TMEM156: variants seen among roughly 807,000 people sequenced by gnomAD.
TMEM156 encodes the protein transmembrane protein 156.
Under a neutral mutation model 30.5 loss-of-function variants are expected in TMEM156, and 28 were observed. That is an observed-to-expected ratio of 0.92 (90% CI 0.68 to 1.26). TMEM156 has a LOEUF of 1.26. Among genes scored for constraint, TMEM156 ranks in the 50% most tolerant of loss-of-function variants. The pLI, the probability that TMEM156 is intolerant of heterozygous loss-of-function variation, is 0.00. For synonymous variants in TMEM156, 137 were observed against 119.9 expected (o/e 1.14, Z -0.93); for missense variants, 351 against 340.6 (o/e 1.03, Z -0.24).
intron 5 of TMEM156, among the ~76,000 whole-genome samples, chr4:38,975,575 G>A (rs1401547118): frequency 6.6e-6 from 1 of 151,856 alleles, no homozygotes; most frequent in Non-Finnish European, 1.5e-5. Flanking sequence ...TAGAGATGGG[G>A]TTTCATCATG....
chr4:38,979,303 C>G (rs1723062309), intron 5 of TMEM156, among the ~76,000 whole-genome samples: 1 of 152,200 alleles, frequency 6.6e-6, no homozygotes, highest in Non-Finnish European at 1.5e-5. Flanking sequence ...CCTGGCCTTG[C>G]CCCACACGTT....
At chr4:39,024,039 A>C (rs555954415) in intron 1 of TMEM156, among the ~76,000 whole-genome samples, 22 of 151,998 alleles carry the variant, frequency 1.4e-4, no homozygotes, top group Non-Finnish European at 2.4e-4. Flanking sequence ...TTGTTTATTT[A>C]TTTGTTTGTT....
intron 5 of TMEM156, among the ~76,000 whole-genome samples, chr4:38,977,352 A>G (rs1577508639): frequency 6.6e-6 from 1 of 152,220 alleles, no homozygotes; most frequent in African/African-American, 2.4e-5. Context: ...CATAAAATAT[A>G]ACTGTAATTT....
chr4:39,000,031 G>A (rs1281319099), intron 1 of TMEM156, among the ~76,000 whole-genome samples: 1 of 152,086 alleles, frequency 6.6e-6, no homozygotes, highest in African/African-American at 2.4e-5. Context: ...TTTTACTTTT[G>A]TCTGAAGACA....
intron 1 of TMEM156, among the ~76,000 whole-genome samples, chr4:39,021,521 G>T (rs769240470): frequency 1.3e-5 from 2 of 152,084 alleles, no homozygotes; most frequent in Non-Finnish European, 2.9e-5. Flanking sequence ...CTGTTGCATT[G>T]TCTGAATTCC....
chr4:38,988,884 G>A lies in TMEM156; in HGVS notation c.706C>T (p.Leu236Phe). 6.2e-7 allele frequency: 1 copy of A among 1,614,034 alleles called. No homozygotes were observed. Among genetic ancestry groups the A allele is most frequent in the Non-Finnish European group, 8.5e-7 (1 of 1,179,972 alleles). Residue 236 changes from leucine to phenylalanine, a missense_variant, in exon 4 of 7, where the codon CTT becomes TTT. By Grantham distance (22) the Leu-to-Phe change is conservative (BLOSUM62 0). Transcript: ENST00000381938. Reference protein sequence around the residue: ...FLIILTIRKILEGQRRVQKWQ... With the variant: ...FLIILTIRKIFEGQRRVQKWQ... ...TTTTGCACTCTTCTCTGGCCTTCAA[G>A]TATTTTGCGGATAGTGAGGATGATC...
At chr4:38,974,472 A>C (rs1317852190) in intron 5 of TMEM156, among the ~76,000 whole-genome samples, 1 of 152,104 alleles carries the variant, frequency 6.6e-6, no homozygotes, top group Non-Finnish European at 1.5e-5. Context: ...AACAGTTTAA[A>C]TACATTGGAA....
At chr4:39,019,033 C>CAAAAAAAAAAAA (rs869141514) in intron 1 of TMEM156, among the ~76,000 whole-genome samples, 2 of 19,372 alleles carry the variant, frequency 1.0e-4, no homozygotes, top group African/African-American at 5.1e-4. Flanking sequence ...AAAAACAAAA[C>CAAAAAAAAAAAA]AAAAAAAAAA....
intron 1 of TMEM156, among the ~76,000 whole-genome samples, chr4:39,006,834 T>C (rs1223110213): frequency 1.3e-5 from 2 of 152,044 alleles, no homozygotes; most frequent in Non-Finnish European, 2.9e-5. Flanking sequence ...TCCCAGCTAC[T>C]ACAGAGGGTG....
chr4:38,988,618 T>C (rs966246987), intron 4 of TMEM156, among the ~76,000 whole-genome samples: 3 of 149,766 alleles, frequency 2.0e-5, no homozygotes, highest in African/African-American at 7.3e-5. Context: ...GCTCATCAGC[T>C]TCTTCCTATT....
intron 1 of TMEM156, among the ~76,000 whole-genome samples, chr4:39,003,577 G>A (rs146714322): frequency 5.8e-4 from 88 of 151,888 alleles, no homozygotes; most frequent in Non-Finnish European, 8.8e-4. Context: ...CAGGTGATCC[G>A]CCCACCTCGG....
chr4:39,023,533 A>G (rs373321252), intron 1 of TMEM156, among the ~76,000 whole-genome samples: 1 of 152,184 alleles, frequency 6.6e-6, no homozygotes, highest in Non-Finnish European at 1.5e-5. Flanking sequence ...TGAATCTCAA[A>G]AACATGCTAA....
chr4:38,991,572 A>C (rs1054636029), intron 3 of TMEM156, among the ~76,000 whole-genome samples: 2 of 152,170 alleles, frequency 1.3e-5, no homozygotes, highest in Non-Finnish European at 2.9e-5. Context: ...TTCGCAGAAT[A>C]CAAGAGTACA....
At chr4:39,001,384 C>T (rs2109987921) in intron 1 of TMEM156, among the ~76,000 whole-genome samples, 1 of 142,398 alleles carries the variant, frequency 7.0e-6, no homozygotes, top group African/African-American at 2.6e-5. Flanking sequence ...GAGACTCCAT[C>T]TAAAAAAAAA....
chr4:38,999,409 T>A (rs1205743588), intron 1 of TMEM156, among the ~76,000 whole-genome samples: 1 of 152,222 alleles, frequency 6.6e-6, no homozygotes, highest in Non-Finnish European at 1.5e-5. Flanking sequence ...GCTTGGAATC[T>A]CAGCATTTTA....
intron 2 of TMEM156, among the ~76,000 whole-genome samples, chr4:38,995,462 A>G (rs1446071611): frequency 6.6e-6 from 1 of 152,170 alleles, no homozygotes; most frequent in East Asian, 1.9e-4. Flanking sequence ...CACGCCTGTA[A>G]TCCCAGCACT....
intron 1 of TMEM156, among the ~76,000 whole-genome samples, chr4:39,024,913 ATTAG>A (rs976554381): frequency 1.2e-4 from 19 of 152,250 alleles, no homozygotes; most frequent in African/African-American, 4.6e-4. Context: ...CTTTCACATT[ATTAG>A]TTATTCTATA....
rs1351942190 is a variant in TMEM156 at position 38,998,646 on chromosome 4, A to T, written c.352T>A (p.Ser118Thr). 2 of 1,609,310 alleles carry T rather than the reference A, an allele frequency of 1.2e-6. No individual in the cohort carries two copies. Among genetic ancestry groups the T allele is most frequent in the East Asian group, 4.5e-5 (2 of 44,646 alleles). Residue 118 changes from serine (S) to threonine (T), a missense_variant, in exon 2 of 7, where the codon TCA (serine) becomes ACA (threonine). By Grantham distance (58) the Ser-to-Thr change is moderately conservative (BLOSUM62 1). Coordinates refer to ENST00000381938, the MANE Select transcript of TMEM156 (RefSeq NM_024943.3). Reference sequence around the variant, plus strand: ...ACCTTCACTTTGTGTTTACCTTTTGATGTTTGTTCCTGAGAAATAAAATCC... The same window carrying T: ...ACCTTCACTTTGTGTTTACCTTTTGTTGTTTGTTCCTGAGAAATAAAATCC... Reference protein sequence around the residue: ...NMDFISQEQTSKVLIRRGSME... With the variant: ...NMDFISQEQTTKVLIRRGSME...
chr4:39,004,184 A>G (rs999105020), intron 1 of TMEM156, among the ~76,000 whole-genome samples: 1 of 152,150 alleles, frequency 6.6e-6, no homozygotes, highest in Non-Finnish European at 1.5e-5. Flanking sequence ...CTAAATGTTC[A>G]CTCTCAGAGA....
Sources: gnomAD v4.1 joint callset for allele counts (sites outside exome capture counted in the v4.1 genomes callset) on GRCh38, gnomAD v4.1.1 for gene constraint, MANE v1.5 for transcripts, NCBI Gene and HGNC (gene_info 2026-07-23, HGNC 2026-07-21) for gene names.